Variants in MIB1 observed in about 807,000 individuals in gnomAD.
The protein encoded by MIB1 is E3 ubiquitin-protein ligase MIB1.
A neutral mutation model predicts 124.5 loss-of-function variants in MIB1; 278 were observed. The ratio of observed to expected loss-of-function variants is 2.23; its 90% confidence interval spans 2.02 to 2.47. The LOEUF (loss-of-function observed/expected upper bound fraction) is 2.47. MIB1 is among the 30% of genes most tolerant of loss of function. The probability of loss-of-function intolerance (pLI) is 0.00; values close to 1 mark genes in which losing one functional copy is unlikely to be tolerated. For missense variants in MIB1, 957 were observed against 1,254.4 expected (o/e 0.76, Z 3.58); for synonymous variants, 446 against 429.4 (o/e 1.04, Z -0.48).
In MIB1 at chr18:21,727,106, C is replaced by T. The variant is rs377217636; in HGVS notation, n.167+21983C>T. Among the ~76,000 whole-genome samples, 25 of 152,218 alleles carry T rather than the reference C, an allele frequency of 1.6e-4. No individual in the cohort carries two copies. The East Asian group carries it at 4.3e-3, about 26-fold the overall frequency. On this transcript the variant is annotated intron_variant and non_coding_transcript_variant, in intron 1 of 20. Transcript: ENST00000578646. ...GAAAGTAAACCCTCCTAGGAGACTT[C>T]GCAGTTCAATTTATTTTTTTTGAGA...
intron 6 of MIB1, among the ~76,000 whole-genome samples, chr18:21,788,543 G>A (rs964018175): frequency 6.6e-6 from 1 of 152,062 alleles, no homozygotes; most frequent in Admixed American, 6.5e-5. Context: ...ATACTTACCC[G>A]GTAACATCAG....
rs1391389248 is a variant in MIB1, at chr18:21,866,527, C to T, written c.*1861C>T. ...AACAGCATGTCAGGTTTTTCCTTTC[C>T]TTCCATGCCATGGGCTACCCATCTC... On this transcript the variant is annotated 3_prime_UTR_variant, in exon 21 of 21. Transcript: ENST00000261537. 1.3e-5 allele frequency: 2 copies of T among 152,138 alleles called. No homozygotes were observed. The highest frequency in any genetic ancestry group is 2.9e-5 in the Non-Finnish European group (2 of 68,016). The allele number at this position is 152,138 out of a possible 1,614,324, so 9.4% of individuals were successfully genotyped here.
intron 1 of MIB1, among the ~76,000 whole-genome samples, chr18:21,734,399 C>T (rs940268834): frequency 1.3e-5 from 2 of 152,160 alleles, no homozygotes; most frequent in Non-Finnish European, 2.9e-5. Flanking sequence ...GCCAACGTGC[C>T]TGGCTGTTCC....
At chr18:21,856,666 A>T (rs1263341140) in intron 18 of MIB1, among the ~76,000 whole-genome samples, 2 of 152,218 alleles carry the variant, frequency 1.3e-5, no homozygotes, top group Non-Finnish European at 2.9e-5. Flanking sequence ...ACCATGGCAC[A>T]CTTGTACCTA....
intron 6 of MIB1, among the ~76,000 whole-genome samples, chr18:21,779,897 G>GTCT (rs2041339291): frequency 6.6e-6 from 1 of 151,112 alleles, no homozygotes; most frequent in Admixed American, 6.7e-5. Context: ...TGTGTCTTGT[G>GTCT]TGTGTATGTG....
chr18:21,851,960 A>G (rs958693902), intron 17 of MIB1, among the ~76,000 whole-genome samples: 1 of 152,340 alleles, frequency 6.6e-6, no homozygotes, highest in African/African-American at 2.4e-5. Flanking sequence ...AGACAAAAAG[A>G]CAAATGCAAT....
intron 6 of MIB1, 53 bp from the exon 7 acceptor site, chr18:21,791,321 G>T: frequency 7.0e-7 from 1 of 1,428,662 alleles, no homozygotes; most frequent in Non-Finnish European, 9.5e-7. Flanking sequence ...TAAGAATTTT[G>T]TATTAAAATT....
chr18:21,757,480 A>AT (rs2041046960), intron 1 of MIB1, among the ~76,000 whole-genome samples: 1 of 137,370 alleles, frequency 7.3e-6, no homozygotes, highest in Non-Finnish European at 1.6e-5. Context: ...AAAAAAAAAA[A>AT]GACAGTCTTT....
At chr18:21,705,175 T>C (rs1393636571) in intron 1 of MIB1, 1 of 152,464 alleles carries the variant, frequency 6.6e-6, no homozygotes, top group East Asian at 1.9e-4. Context: ...AAAGATATGT[T>C]AGCAGGTAAG....
chr18:21,835,836 C>CACACACACACACAA (rs1407473846), intron 12 of MIB1, among the ~76,000 whole-genome samples: 1 of 3,138 alleles, frequency 3.2e-4, no homozygotes, highest in East Asian at 0.017. Flanking sequence ...CACACACACA[C>CACACACACACACAA]ACAAACACAC....
At chr18:21,733,644 C>T (rs2040782305) in intron 1 of MIB1, among the ~76,000 whole-genome samples, 1 of 152,214 alleles carries the variant, frequency 6.6e-6, no homozygotes, top group Non-Finnish European at 1.5e-5. Flanking sequence ...TTTCTCTTTA[C>T]AAATTGAGCT....
At chr18:21,854,564 A>G in intron 18 of MIB1, 1 of 154,282 alleles carries the variant, frequency 6.5e-6, no homozygotes, top group Admixed American at 6.8e-5. Context: ...TCCCCCCAGG[A>G]GCTTCCAGAA....
intron 18 of MIB1, among the ~76,000 whole-genome samples, chr18:21,855,963 G>GC (rs1303871773): frequency 6.6e-6 from 1 of 152,144 alleles, no homozygotes; most frequent in Non-Finnish European, 1.5e-5. Flanking sequence ...GGGCGCGGTG[G>GC]CTCACGCCTG....
intron 12 of MIB1, among the ~76,000 whole-genome samples, chr18:21,835,851 G>C (rs2042026178): frequency 3.3e-5 from 1 of 30,504 alleles, no homozygotes; most frequent in Non-Finnish European, 8.6e-5. Context: ...ACACACACGA[G>C]GAGTATTGGG....
intron 3 of MIB1, among the ~76,000 whole-genome samples, chr18:21,771,653 G>A (rs1264082822): frequency 6.6e-6 from 1 of 152,134 alleles, no homozygotes; most frequent in Non-Finnish European, 1.5e-5. Flanking sequence ...GATGGACATA[G>A]GGGACTTGAA....
At chr18:21,840,418 C>T (rs1479991164) in intron 13 of MIB1, among the ~76,000 whole-genome samples, 2 of 151,620 alleles carry the variant, frequency 1.3e-5, no homozygotes, top group African/African-American at 4.8e-5. Context: ...CAAAAAAACC[C>T]AAACAAAAAA....
chr18:21,846,499 A>C (rs1182038438), intron 15 of MIB1, among the ~76,000 whole-genome samples: 1 of 152,170 alleles, frequency 6.6e-6, no homozygotes, highest in African/African-American at 2.4e-5. Context: ...CTCAATTCCT[A>C]GTCATTGGTT....
At chr18:21,709,798 GA>G (rs1488239753) in intron 1 of MIB1, among the ~76,000 whole-genome samples, 2 of 152,334 alleles carry the variant, frequency 1.3e-5, no homozygotes, top group East Asian at 3.9e-4. Flanking sequence ...GGGAAGATCA[GA>G]AAAGACTTCC....
chr18:21,707,055 G>C (rs2040641967), intron 1 of MIB1, among the ~76,000 whole-genome samples: 2 of 152,214 alleles, frequency 1.3e-5, no homozygotes, highest in Admixed American at 1.3e-4. Flanking sequence ...TCAGTGTCTA[G>C]CTCAAGGTTT....
Sources: gnomAD v4.1 joint callset for allele counts (sites outside exome capture counted in the v4.1 genomes callset) on GRCh38, gnomAD v4.1.1 for gene constraint, MANE v1.5 for transcripts, NCBI Gene and HGNC (gene_info 2026-07-23, HGNC 2026-07-21) for gene names.